STXBP4: variants seen among roughly 807,000 people sequenced by gnomAD.
The protein encoded by STXBP4 is syntaxin-binding protein 4.
A neutral mutation model predicts 76.1 loss-of-function variants in STXBP4; 55 were observed. That is an observed-to-expected ratio of 0.72 (90% confidence interval 0.58 to 0.91). The LOEUF is 0.91. Among genes scored for constraint, STXBP4 ranks in the 40% least tolerant of loss-of-function variants. The pLI is 0.00. For missense variants in STXBP4, 618 were observed against 636.9 expected (o/e 0.97, Z 0.32); for synonymous variants, 201 against 220.2 (o/e 0.91, Z 0.77).
At chr17:55,027,649 T>C (rs898084538) in intron 8 of STXBP4, among the ~76,000 whole-genome samples, 5 of 152,194 alleles carry the variant, frequency 3.3e-5, no homozygotes, top group Admixed American at 6.5e-5. Context: ...AAGCAAGTTT[T>C]AGAAAACTAT....
intron 9 of STXBP4, among the ~76,000 whole-genome samples, chr17:55,032,886 A>T (rs923781865): frequency 6.6e-6 from 1 of 152,168 alleles, no homozygotes. Flanking sequence ...GAAAGCTGCC[A>T]GTTGACAAAG....
At chr17:55,012,690 C>T (rs1344866405) in intron 8 of STXBP4, among the ~76,000 whole-genome samples, 1 of 152,174 alleles carries the variant, frequency 6.6e-6, no homozygotes, top group Non-Finnish European at 1.5e-5. Context: ...GCTATTAGTT[C>T]TGCCAGCTAA....
In STXBP4 at chr17:54,974,682, G is replaced by A. The variant is rs571410883; in HGVS notation, c.-157+5867G>A. Among the ~76,000 whole-genome samples, 20 of 152,334 alleles carry A rather than the reference G, an allele frequency of 1.3e-4. No individual in the cohort carries two copies. The South Asian group carries it at 3.9e-3, about 30-fold the overall frequency. On this transcript the variant is annotated intron_variant, in intron 1 of 17. Transcript: ENST00000376352. The stretch of plus-strand genomic sequence containing the variant: ...GGGGCTTAGCCCAGGAGGGTTCTTG[G>A]CTTGGCCTAGAAAAGAATTCCAGGG...
intron 16 of STXBP4, among the ~76,000 whole-genome samples, chr17:55,109,395 C>T (rs1380183815): frequency 2.0e-5 from 3 of 151,914 alleles, no homozygotes; most frequent in Non-Finnish European, 4.4e-5. Flanking sequence ...TGATTTATTG[C>T]TGTGTACAAG....
In STXBP4 at chr17:55,096,342, G is replaced by A. The variant is rs117929004; in HGVS notation, c.1489+15159G>A. Among the ~76,000 whole-genome samples the A allele has an allele frequency of 2.7e-4, 41 of 152,208 alleles. No individual in the cohort carries two copies. The East Asian group carries it at 7.1e-3, about 27-fold the overall frequency. On this transcript the variant is annotated intron_variant, in intron 16 of 17. Transcript: ENST00000376352. The stretch of plus-strand genomic sequence containing the variant: ...AGCTAATTTTTTGGTATTTTTTGTA[G>A]AGATGGGATTTTGCCATGTTGTCCA...
At chr17:55,116,329 A>G (rs1188390490) in intron 16 of STXBP4, among the ~76,000 whole-genome samples, 1 of 151,722 alleles carries the variant, frequency 6.6e-6, no homozygotes, top group Admixed American at 6.6e-5. Flanking sequence ...ACATAGATAT[A>G]TATTTACCAT....
At chr17:55,108,585 G>A (rs2079666674) in intron 16 of STXBP4, among the ~76,000 whole-genome samples, 1 of 152,182 alleles carries the variant, frequency 6.6e-6, no homozygotes, top group Admixed American at 6.5e-5. Flanking sequence ...AAGACTGTGG[G>A]AAAAGCATAG....
intron 8 of STXBP4, 53 bp downstream of exon 8, chr17:55,007,650 G>GGAGAA: frequency 1.4e-6 from 2 of 1,400,024 alleles, no homozygotes; most frequent in Non-Finnish European, 1.0e-6. Flanking sequence ...CAGGAAAGAA[G>GGAGAA]TATTCTCCTT....
intron 1 of STXBP4, among the ~76,000 whole-genome samples, chr17:54,973,374 G>A (rs2077426435): frequency 6.6e-6 from 1 of 152,126 alleles, no homozygotes; most frequent in Admixed American, 6.5e-5. Flanking sequence ...CTTTACTTTT[G>A]TCTCAGGTAA....
chr17:54,975,835 C>G (rs2077465614), intron 1 of STXBP4, among the ~76,000 whole-genome samples: 1 of 152,124 alleles, frequency 6.6e-6, no homozygotes, highest in South Asian at 2.1e-4. Flanking sequence ...TTACTGCCCT[C>G]AGACCTTTTC....
chr17:55,186,267 A>G, the STXBP4 span, among the ~76,000 whole-genome samples: 2 of 152,202 alleles, frequency 1.3e-5, no homozygotes, highest in East Asian at 3.8e-4. Context: ...GCATAAATGC[A>G]TTTAAATAGT....
At chr17:55,116,985 TTAA>T (rs2079787815) in intron 16 of STXBP4, among the ~76,000 whole-genome samples, 1 of 151,764 alleles carries the variant, frequency 6.6e-6, no homozygotes, top group African/African-American at 2.4e-5. Flanking sequence ...TGCAGATGAG[TTAA>T]TAAGATAAGC....
At position 55,081,146 on chromosome 17, in the gene STXBP4, A is replaced by G. The variant is rs1185405218; in HGVS notation, c.1452A>G (p.Glu484=). ...IPATLALESK[E]LVKSVRALLD... ...CAACGCTGGCGCTTGAATCTAAGGAACTTGTTAAATCTGTTCGTGCCTTAC... is the reference window on the plus strand; with the variant it reads ...CAACGCTGGCGCTTGAATCTAAGGAGCTTGTTAAATCTGTTCGTGCCTTAC... Residue 484 remains glutamate, a synonymous_variant, in exon 16 of 18, where the codon GAA becomes GAG. Coordinates refer to ENST00000376352, the MANE Select transcript of STXBP4 (RefSeq NM_178509.6). The G allele has an allele frequency of 6.5e-7, 1 of 1,547,568 alleles. No individual in the cohort carries two copies. Among genetic ancestry groups the G allele is most frequent in the Non-Finnish European group, 8.7e-7 (1 of 1,152,142 alleles).
At chr17:55,185,269 CCTTCTCCTTCTCCTTCTCCTT>C in the STXBP4 span, among the ~76,000 whole-genome samples, 1 of 48,074 alleles carries the variant, frequency 2.1e-5, no homozygotes, top group African/African-American at 9.4e-5. Flanking sequence ...TTCTCCTTCT[CCTTCTCCTTCTCCTTCTCCTT>C]CTCCTTCTCC....
At chr17:55,076,686 T>C (rs1424976375) in intron 13 of STXBP4, among the ~76,000 whole-genome samples, 2 of 152,176 alleles carry the variant, frequency 1.3e-5, no homozygotes, top group African/African-American at 2.4e-5. Flanking sequence ...CGAAGAGCAA[T>C]GTCTTCTGCC....
intron 16 of STXBP4, among the ~76,000 whole-genome samples, chr17:55,107,864 A>G (rs244371): frequency 0.37 from 56,759 of 152,104 alleles, 11,257 homozygotes; most frequent in East Asian, 0.54. Flanking sequence ...GACCCCTTCC[A>G]GGAGGTGTCT....
At position 54,999,338 on chromosome 17, in the gene STXBP4, T is replaced by C. The variant is rs1334318520; in HGVS notation, c.181-7T>C. ...AGTTCCTTTATAAATGTTACTGTTT[T>C]TGTTAGGATGGTCGTTTGAAGCCAG... is the stretch of plus-strand genomic sequence containing the variant. On this transcript the variant is annotated splice_region_variant and splice_polypyrimidine_tract_variant and intron_variant, in intron 4 of 17. Coordinates refer to ENST00000376352, the MANE Select transcript of STXBP4 (RefSeq NM_178509.6). 1 of 1,601,350 alleles carries C rather than the reference T, an allele frequency of 6.2e-7. No homozygotes were observed. Among genetic ancestry groups the C allele is most frequent in the Non-Finnish European group, 8.5e-7 (1 of 1,173,804 alleles).
At chr17:54,997,552 A>G (rs1162504123) in intron 4 of STXBP4, among the ~76,000 whole-genome samples, 9 of 146,012 alleles carry the variant, frequency 6.2e-5, no homozygotes, top group African/African-American at 2.2e-4. Context: ...TATATATAAT[A>G]TAAATATATA....
chr17:55,078,766 A>G (rs1391028310), intron 15 of STXBP4, 31 bp downstream of exon 15: 1 of 1,179,532 alleles, frequency 8.5e-7, no homozygotes, highest in Non-Finnish European at 1.3e-6. Context: ...TTTGCAGAAT[A>G]TGGGTAGTGA....
Sources: allele counts gnomAD v4.1 joint callset (sites outside exome capture counted in the v4.1 genomes callset), GRCh38; gene constraint gnomAD v4.1.1; transcripts MANE v1.5; gene names NCBI Gene and HGNC (gene_info 2026-07-23, HGNC 2026-07-21).